The following HDAC1 variants were observed in gnomAD, a reference collection of about 807,000 sequenced individuals.
HDAC1 encodes the protein protein deacetylase HDAC1.
Under a neutral mutation model 65.5 loss-of-function variants are expected in HDAC1, and 18 were observed. The ratio of observed to expected loss-of-function variants is 0.27; its 90% confidence interval spans 0.19 to 0.41. The LOEUF (loss-of-function observed/expected upper bound fraction) is 0.41, where lower values mean the gene tolerates loss of function less well. HDAC1 is among the 10% of genes least tolerant of loss of function. The pLI is 1.00. For synonymous variants in HDAC1, 211 were observed against 227.9 expected (o/e 0.93, Z 0.67); for missense variants, 373 against 625.2 (o/e 0.60, Z 4.30).
At chr1:32,312,150 A>G (rs1640999817) in intron 2 of HDAC1, among the ~76,000 whole-genome samples, 1 of 151,958 alleles carries the variant, frequency 6.6e-6, no homozygotes. Flanking sequence ...TGGCTTCACT[A>G]TGGCTGTTTT....
At chr1:32,298,296 C>T (rs1640798221) in intron 1 of HDAC1, among the ~76,000 whole-genome samples, 1 of 151,692 alleles carries the variant, frequency 6.6e-6, no homozygotes, top group South Asian at 2.1e-4. Context: ...CCATGTTGGT[C>T]AGGCTGGTCT....
In HDAC1 at chr1:32,333,094, C is replaced by T. The variant is rs746169611; in HGVS notation, c.*50C>T. ...CTGCTGAGTCCCTCACGTTTCTTCC[C>T]CAACCCCTCAGATTTTATATTTTCT... On this transcript the variant is annotated 3_prime_UTR_variant, in exon 14 of 14. Transcript: ENST00000373548. 2 of 1,463,528 alleles carry T rather than the reference C, an allele frequency of 1.4e-6. No individual in the cohort carries two copies. Among genetic ancestry groups the T allele is most frequent in the South Asian group, 1.2e-5 (1 of 86,190 alleles). 90.7% of individuals were successfully genotyped at this position (1,463,528 alleles called of 1,614,324 possible).
rs776697437 is a variant in HDAC1, at chr1:32,324,100, TA to T, written c.281-365del. 4.7e-3 allele frequency among the ~76,000 whole-genome samples: 621 copies of T among 132,036 alleles called. 1 individual carries two copies. The highest frequency in any genetic ancestry group is 8.1e-3 in the Admixed American group (106 of 13,098). The allele number at this position is 132,036 out of a possible 152,430, so 86.6% of individuals were successfully genotyped here. ...AGGGAACATAGTGAGGCTCTGTCTC[TA>T]AAAAAAAAAAAAAGAAAAAAAAATT... On this transcript the variant is annotated intron_variant, in intron 3 of 13. Coordinates refer to ENST00000373548, the MANE Select transcript of HDAC1 (RefSeq NM_004964.3).
At chr1:32,311,531 T>C (rs941058934) in intron 2 of HDAC1, among the ~76,000 whole-genome samples, 7 of 151,474 alleles carry the variant, frequency 4.6e-5, no homozygotes, top group African/African-American at 7.3e-5. Context: ...GTGCTGAGAA[T>C]AGGAAACCCG....
In HDAC1 at chr1:32,330,523, C is replaced by A; in HGVS notation, c.730-55C>A. On this transcript the variant is annotated intron_variant, in intron 7 of 13. Transcript: ENST00000373548. This position sits in a 1 kb window ranked among gnomAD's most constrained non-coding sequence, Gnocchi z 4.2. The stretch of plus-strand genomic sequence containing the variant: ...AAGTGTTGCACCCAGCCTTTCCACT[C>A]CAAACCTCGTATTGCTTTCTTGAGG... 1 of 1,274,616 alleles carries A rather than the reference C, an allele frequency of 7.8e-7. No homozygotes were observed. The highest frequency in any genetic ancestry group is 1.2e-5 in the South Asian group (1 of 83,936). The allele number at this position is 1,274,616 out of a possible 1,614,324, so 79.0% of individuals were successfully genotyped here. A position where few individuals can be genotyped will look rare whatever the true frequency, so the allele number is the denominator to read the frequency against.
intron 1 of HDAC1, among the ~76,000 whole-genome samples, chr1:32,295,324 C>T (rs1640753911): frequency 6.6e-6 from 1 of 151,996 alleles, no homozygotes; most frequent in South Asian, 2.1e-4. Flanking sequence ...TCACTTGATC[C>T]TGGGAGGTCG....
At chr1:32,301,377 C>T (rs1159776506) in intron 1 of HDAC1, among the ~76,000 whole-genome samples, 2 of 151,924 alleles carry the variant, frequency 1.3e-5, no homozygotes, top group East Asian at 1.9e-4. Flanking sequence ...ACCCTGGAGG[C>T]GGAGCTTGCA....
chr1:32,298,040 C>T (rs1392974420), intron 1 of HDAC1, among the ~76,000 whole-genome samples: 1 of 150,576 alleles, frequency 6.6e-6, no homozygotes, highest in East Asian at 2.0e-4. Flanking sequence ...TCGCCCGCCT[C>T]GGCCTCCCAA....
rs749127792 is a variant in HDAC1 at position 32,332,054 on chromosome 1, C to T, written c.1220-36C>T. 1.2e-5 allele frequency: 18 copies of T among 1,536,426 alleles called. No individual in the cohort carries two copies. In the South Asian group the frequency reaches 1.7e-4, roughly 14 times the overall value. The stretch of plus-strand genomic sequence containing the variant: ...AGATGCTGAGCTAAATCAGCACCCG[C>T]CTGCCCTCTCACCCATGCTTCCCAC... On this transcript the variant is annotated intron_variant, in intron 11 of 13. Coordinates refer to ENST00000373548, the MANE Select transcript of HDAC1 (RefSeq NM_004964.3).
In HDAC1 at chr1:32,332,774, A is replaced by C. The variant is rs367938642; in HGVS notation, c.1421+25A>C. On this transcript the variant is annotated intron_variant, in intron 13 of 13. Coordinates refer to ENST00000373548, the MANE Select transcript of HDAC1 (RefSeq NM_004964.3). ...GGTGAGGAAGGAGCTGCCTGTGGCC[A>C]TCTCCCTGGCATTGGAGCACCAGCC... The C allele has an allele frequency of 7.4e-4, 1,144 of 1,544,648 alleles. 1 individual carries two copies. The highest frequency in any genetic ancestry group is 9.2e-4 in the Non-Finnish European group (1,047 of 1,140,300).
In HDAC1 at chr1:32,327,193, G is replaced by C; in HGVS notation, c.494+116G>C. On this transcript the variant is annotated intron_variant, in intron 5 of 13. Transcript: ENST00000373548. This position sits in a 1 kb window ranked among gnomAD's most constrained non-coding sequence, Gnocchi z 6.0. ...TTCCTACCGATGTGCTGGCTAGGAT[G>C]TGCTCGGTGAGTGTCTCTGGCCATC... The C allele has an allele frequency of 9.7e-7, 1 of 1,029,234 alleles. No homozygotes were observed. The highest frequency in any genetic ancestry group is 1.5e-6 in the Non-Finnish European group (1 of 688,608). The allele number at this position is 1,029,234 out of a possible 1,614,324, so 63.8% of individuals were successfully genotyped here. A position where few individuals can be genotyped will look rare whatever the true frequency, so the allele number is the denominator to read the frequency against.
intron 4 of HDAC1, among the ~76,000 whole-genome samples, chr1:32,324,918 G>A (rs967386641): frequency 6.6e-6 from 1 of 151,950 alleles, no homozygotes; most frequent in African/African-American, 2.4e-5. Context: ...GTGAGTCGTG[G>A]TCACACCACT....
At chr1:32,310,210 C>G (rs1369551615) in intron 2 of HDAC1, among the ~76,000 whole-genome samples, 2 of 152,154 alleles carry the variant, frequency 1.3e-5, no homozygotes, top group African/African-American at 2.4e-5. Flanking sequence ...TTTAAGCTAG[C>G]TAAACTGACT....
chr1:32,316,661 C>CT lies in HDAC1; in HGVS notation c.163-3dup. 6.3e-7 allele frequency: 1 copy of CT among 1,594,524 alleles called. No individual in the cohort carries two copies. Among genetic ancestry groups the CT allele is most frequent in the Non-Finnish European group, 8.6e-7 (1 of 1,162,514 alleles). On this transcript the variant is annotated splice_region_variant and splice_polypyrimidine_tract_variant and intron_variant, in intron 2 of 13. Coordinates refer to ENST00000373548, the MANE Select transcript of HDAC1 (RefSeq NM_004964.3). ...ACTTGCCCTTTCTCCCTTCTGCCCT[C>CT]TAGCGCCCTCACAAAGCCAATGCTG... is the stretch of plus-strand genomic sequence containing the variant.
intron 1 of HDAC1, among the ~76,000 whole-genome samples, chr1:32,297,760 G>A (rs1165033099): frequency 7.3e-6 from 1 of 136,132 alleles, no homozygotes; most frequent in African/African-American, 2.8e-5. Context: ...GGAGGCGCAT[G>A]ACACTACGCC....
At chr1:32,328,373 G>A (rs1316164233) in intron 6 of HDAC1, among the ~76,000 whole-genome samples, 2 of 151,752 alleles carry the variant, frequency 1.3e-5, no homozygotes, top group South Asian at 2.1e-4. Flanking sequence ...GTGCAGTGGC[G>A]TGATCTCGGT....
Position 32,331,038 on chromosome 1 carries a change from C to T in HDAC1, c.979+130C>T. Reference sequence around the variant, plus strand: ...CTGATACTAGTCACTGAGTCTCCTGCCTGTCCTCTTGTGATCAGCAGACCA... The same window carrying T: ...CTGATACTAGTCACTGAGTCTCCTGTCTGTCCTCTTGTGATCAGCAGACCA... On this transcript the variant is annotated intron_variant, in intron 9 of 13. Transcript: ENST00000373548. The surrounding 1 kb of genome is among the most constrained non-coding windows in gnomAD (Gnocchi z 4.2). 2 of 795,796 alleles carry T rather than the reference C, an allele frequency of 2.5e-6. No individual in the cohort carries two copies. Among genetic ancestry groups the T allele is most frequent in the South Asian group, 3.3e-5 (2 of 60,824 alleles). 49.3% of individuals were successfully genotyped at this position (795,796 alleles called of 1,614,324 possible). A position where few individuals can be genotyped will look rare whatever the true frequency, so the allele number is the denominator to read the frequency against.
intron 3 of HDAC1, among the ~76,000 whole-genome samples, chr1:32,320,912 A>AAG (rs1307106303): frequency 6.7e-6 from 1 of 148,848 alleles, no homozygotes; most frequent in Admixed American, 6.7e-5. Context: ...AAAAAAAAAA[A>AAG]AAAAAAAAAA....
At chr1:32,298,435 G>A (rs1474618206) in intron 1 of HDAC1, among the ~76,000 whole-genome samples, 1 of 151,748 alleles carries the variant, frequency 6.6e-6, no homozygotes, top group African/African-American at 2.4e-5. Flanking sequence ...TAGCCAGGAT[G>A]TTCTTGATCT....
Sources: gnomAD v4.1 joint callset for allele counts (sites outside exome capture counted in the v4.1 genomes callset) on GRCh38, gnomAD v4.1.1 for gene constraint, Gnocchi (gnomAD v3.1) non-coding constraint, MANE v1.5 for transcripts, NCBI Gene and HGNC (gene_info 2026-07-23, HGNC 2026-07-21) for gene names.